DNA2: variants seen among roughly 807,000 people sequenced by gnomAD.
DNA2 encodes the protein DNA replication ATP-dependent helicase/nuclease DNA2.
In DNA2, 101 loss-of-function variants were observed where a neutral mutation model predicts 119.1. The observed-to-expected ratio is 0.85, with a 90% CI of 0.72 to 1.00. The LOEUF (loss-of-function observed/expected upper bound fraction) is 1.00, where lower values mean the gene tolerates loss of function less well. DNA2 is among the 50% of genes least tolerant of loss of function. The pLI is 0.00. For missense variants in DNA2, 1,121 were observed against 1,255.5 expected, an observed-to-expected ratio of 0.89 and a Z score of 1.62; for synonymous variants, 366 against 424.4, an observed-to-expected ratio of 0.86 and a Z score of 1.69.
At chr10:68,429,430 G>A (rs1448211522) in intron 14 of DNA2, among the ~76,000 whole-genome samples, 1 of 151,694 alleles carries the variant, frequency 6.6e-6, no homozygotes. Context: ...TGTAATCCCA[G>A]CTACTTAGGA....
In DNA2 at chr10:68,414,992, C is replaced by G; in HGVS notation, c.*47G>C. On this transcript the variant is annotated 3_prime_UTR_variant, in exon 21 of 21. Coordinates refer to ENST00000358410, the MANE Select transcript of DNA2 (RefSeq NM_001080449.3). ...ATAGAATTTTCTGTATGGGCACTAG[C>G]TAGAGGAGATACTGCCCTAGTATGA... is the stretch of plus-strand genomic sequence containing the variant. 8.0e-7 allele frequency: 1 copy of G among 1,256,704 alleles called. No individual in the cohort carries two copies. The allele number at this position is 1,256,704 out of a possible 1,614,324, so 77.8% of individuals were successfully genotyped here.
intron 5 of DNA2, among the ~76,000 whole-genome samples, chr10:68,453,566 T>C (rs991246136): frequency 6.6e-6 from 1 of 152,200 alleles, no homozygotes; most frequent in Non-Finnish European, 1.5e-5. Flanking sequence ...CCTAGGATAG[T>C]GGTCCCATAA....
Position 68,422,786 on chromosome 10 carries a change from A to G in DNA2, c.2313T>C (p.Ile771=). The change falls in exon 15 of 21, where the codon ATT becomes ATC. Residue 771 remains isoleucine (I), a synonymous_variant. Coordinates refer to ENST00000358410, the MANE Select transcript of DNA2 (RefSeq NM_001080449.3). The part of the protein sequence containing the change: ...VDEASQISQP[I]CLGPLFFSRR... Reference sequence around the variant, plus strand: ...GTGAAAAAAAAAGGGGGCCCAGACAAATTGGTTGGCTAATTTGAGAGGCTT... The same window carrying G: ...GTGAAAAAAAAAGGGGGCCCAGACAGATTGGTTGGCTAATTTGAGAGGCTT... 6.2e-7 allele frequency: 1 copy of G among 1,610,836 alleles called. No homozygotes were observed. Among genetic ancestry groups the G allele is most frequent in the Middle Eastern group, 1.7e-4 (1 of 6,046 alleles).
intron 14 of DNA2, among the ~76,000 whole-genome samples, chr10:68,427,626 G>T (rs1311625033): frequency 1.4e-5 from 2 of 146,544 alleles, no homozygotes; most frequent in Non-Finnish European, 3.0e-5. Context: ...TCCAGCCTGG[G>T]CAACAGAGCA....
rs61855090 is a variant in DNA2, at chr10:68,431,874, C to T, written c.1971G>A (p.Thr657=). Residue 657 remains threonine (T), a synonymous_variant, in exon 13 of 21, where the codon ACG becomes ACA. Transcript: ENST00000358410. ...ATAATAACCTTACGAGAGTACATATCGTAGTTGTTTTTCCTGTCCCAGGCA... is the reference window on the plus strand; with the variant it reads ...ATAATAACCTTACGAGAGTACATATTGTAGTTGTTTTTCCTGTCCCAGGCA... ...VGMPGTGKTT[T]ICTLVRILYA... 0.045 allele frequency: 72,310 copies of T among 1,608,528 alleles called. 2,012 individuals carry two copies. Among genetic ancestry groups the T allele is most frequent in the Middle Eastern group, 0.066 (397 of 6,040 alleles).
rs546141893 is a variant in DNA2 at position 68,418,766 on chromosome 10, G to A, written c.2967+268C>T. On this transcript the variant is annotated intron_variant, in intron 19 of 20. Transcript: ENST00000358410. ...CGGCTCACTGCAACCTCCACCTCCTGGGTTCAAGCAATTCTCCTACCTCAG... is the reference window on the plus strand; with the variant it reads ...CGGCTCACTGCAACCTCCACCTCCTAGGTTCAAGCAATTCTCCTACCTCAG... Among the ~76,000 whole-genome samples, 16 of 149,524 alleles carry A rather than the reference G, an allele frequency of 1.1e-4. No individual in the cohort carries two copies. The South Asian group carries it at 3.4e-3, about 32-fold the overall frequency.
intron 2 of DNA2, among the ~76,000 whole-genome samples, chr10:68,469,317 G>A (rs1244648968): frequency 6.6e-6 from 1 of 151,346 alleles, no homozygotes; most frequent in Non-Finnish European, 1.5e-5. Context: ...AGGCCGAGGT[G>A]GGCGGATCAC....
intron 10 of DNA2, among the ~76,000 whole-genome samples, chr10:68,433,767 G>A (rs7096105): frequency 0.31 from 46,922 of 151,656 alleles, 8,776 homozygotes; most frequent in African/African-American, 0.52. Flanking sequence ...AAAATGATAC[G>A]TAAGACATTC....
At chr10:68,439,698 G>A (rs1039462420) in intron 9 of DNA2, among the ~76,000 whole-genome samples, 3 of 152,060 alleles carry the variant, frequency 2.0e-5, no homozygotes, top group South Asian at 2.1e-4. Flanking sequence ...TTAGCCTGGC[G>A]TGGTGGCCCA....
chr10:68,416,226 G>A (rs1339240525), intron 20 of DNA2, among the ~76,000 whole-genome samples: 3 of 152,098 alleles, frequency 2.0e-5, no homozygotes, highest in Non-Finnish European at 2.9e-5. Context: ...CCAGCACTTT[G>A]GGAGGAGGCG....
intron 14 of DNA2, among the ~76,000 whole-genome samples, chr10:68,426,036 T>G (rs926005628): frequency 6.6e-6 from 1 of 151,732 alleles, no homozygotes; most frequent in African/African-American, 2.4e-5. Flanking sequence ...CTTGGGAAGC[T>G]GAGGCATGAG....
intron 14 of DNA2, among the ~76,000 whole-genome samples, chr10:68,425,492 C>T (rs1380952261): frequency 6.6e-6 from 1 of 151,472 alleles, no homozygotes; most frequent in Non-Finnish European, 1.5e-5. Context: ...AGCTCCGCCT[C>T]CCCGGTTCAC....
At chr10:68,419,722 G>T in intron 18 of DNA2, 81 bp downstream of exon 18, 1 of 1,065,036 alleles carries the variant, frequency 9.4e-7, no homozygotes. Context: ...GAGACTTAAT[G>T]CCAGATTGTA....
chr10:68,468,029 G>T, intron 3 of DNA2, 94 bp downstream of exon 3: 2 of 936,356 alleles, frequency 2.1e-6, no homozygotes, highest in South Asian at 2.7e-5. Flanking sequence ...TTATTTTATA[G>T]GGTTGCTGGG....
chr10:68,419,783 C>T lies in DNA2; in HGVS notation c.2787+20G>A, dbSNP rs763297912. 3.2e-6 allele frequency: 5 copies of T among 1,558,494 alleles called. No homozygotes were observed. Among genetic ancestry groups the T allele is most frequent in the South Asian group, 1.1e-5 (1 of 89,778 alleles). ...TATTCTGCACTTTAATATTTGCTAGCCTTGAAAATTCTAAATTACCTTAAC... is the reference window on the plus strand; with the variant it reads ...TATTCTGCACTTTAATATTTGCTAGTCTTGAAAATTCTAAATTACCTTAAC... On this transcript the variant is annotated intron_variant, in intron 18 of 20. Coordinates refer to ENST00000358410, the MANE Select transcript of DNA2 (RefSeq NM_001080449.3).
intron 4 of DNA2, among the ~76,000 whole-genome samples, chr10:68,460,003 G>C (rs1199749193): frequency 6.8e-6 from 1 of 146,644 alleles, no homozygotes; most frequent in Non-Finnish European, 1.5e-5. Flanking sequence ...CTCCAGCCTG[G>C]GCAAGAGAGC....
At chr10:68,445,169 TA>T (rs2052021965) in intron 7 of DNA2, 86 bp from the exon 8 acceptor site, 1 of 1,285,820 alleles carries the variant, frequency 7.8e-7, no homozygotes, top group South Asian at 1.4e-5. Flanking sequence ...CTTGCAGATT[TA>T]AAAACATTTT....
intron 2 of DNA2, among the ~76,000 whole-genome samples, chr10:68,469,238 A>T (rs1172234100): frequency 6.6e-6 from 1 of 150,868 alleles, no homozygotes; most frequent in Non-Finnish European, 1.5e-5. Flanking sequence ...ATGTGTTTAA[A>T]CTGCAATCTT....
intron 10 of DNA2, among the ~76,000 whole-genome samples, chr10:68,436,345 C>T (rs183665238): frequency 1.2e-3 from 177 of 152,268 alleles, no homozygotes; most frequent in Non-Finnish European, 2.2e-3. Flanking sequence ...TATGGTTCCA[C>T]TTATATCATA....
Sources: gnomAD v4.1 joint callset for allele counts (sites outside exome capture counted in the v4.1 genomes callset) on GRCh38, gnomAD v4.1.1 for gene constraint, MANE v1.5 for transcripts, NCBI Gene and HGNC (gene_info 2026-07-23, HGNC 2026-07-21) for gene names.